Variants in ZBBX observed in about 807,000 individuals in gnomAD.
ZBBX encodes the protein zinc finger B-box domain containing.
In ZBBX, 101 loss-of-function variants were observed where a neutral mutation model predicts 108.5. That is an observed-to-expected ratio of 0.93 (90% CI 0.79 to 1.10). The LOEUF is 1.10. ZBBX is among the 50% of genes least tolerant of loss of function. ZBBX has a pLI of 0.00. For missense variants in ZBBX, 1,009 were observed against 941.4 expected (o/e 1.07, Z -0.94); for synonymous variants, 356 against 323.4 (o/e 1.10, Z -1.08).
At chr3:167,385,264 C>A (rs1747875519), upstream of ZBBX, among the ~76,000 whole-genome samples, 1 of 151,928 alleles carries the variant, frequency 6.6e-6, no homozygotes, top group South Asian at 2.1e-4. Context: ...GTACTGAATA[C>A]TATACACAAC....
At chr3:167,192,972 T>C in the ZBBX span, among the ~76,000 whole-genome samples, 1 of 152,214 alleles carries the variant, frequency 6.6e-6, no homozygotes, top group Non-Finnish European at 1.5e-5. Context: ...AGTCACTCAC[T>C]GGTTCCTTGC....
intron 2 of ZBBX, among the ~76,000 whole-genome samples, chr3:167,379,115 C>T (rs767148721): frequency 2.6e-5 from 4 of 152,012 alleles, no homozygotes; most frequent in East Asian, 1.9e-4. Flanking sequence ...ACCTACCCTA[C>T]GGAAAAAATT....
chr3:167,377,517 T>G (rs907903033), intron 2 of ZBBX, among the ~76,000 whole-genome samples: 1 of 152,164 alleles, frequency 6.6e-6, no homozygotes, highest in African/African-American at 2.4e-5. Context: ...CAAACAACTT[T>G]GGGTGAATTA....
chr3:167,340,095 A>G (rs770649376), intron 9 of ZBBX, among the ~76,000 whole-genome samples: 2 of 152,132 alleles, frequency 1.3e-5, no homozygotes, highest in African/African-American at 4.8e-5. Context: ...TATTTATCCA[A>G]AGAAACCTGT....
chr3:167,318,749 A>ATG (rs1735891376), intron 12 of ZBBX, among the ~76,000 whole-genome samples: 1 of 151,944 alleles, frequency 6.6e-6, no homozygotes, highest in Non-Finnish European at 1.5e-5. Flanking sequence ...GTTTTTACCA[A>ATG]TGCATAAAGT....
At chr3:167,400,964 C>G (rs1271478433) in intron 1 of ZBBX, among the ~76,000 whole-genome samples, 1 of 152,108 alleles carries the variant, frequency 6.6e-6, no homozygotes, top group Non-Finnish European at 1.5e-5. Flanking sequence ...TTGCCCTAAG[C>G]AGTTCCCAGC....
intron 20 of ZBBX, among the ~76,000 whole-genome samples, chr3:167,276,446 T>C (rs1020199037): frequency 3.9e-5 from 6 of 152,034 alleles, no homozygotes; most frequent in Non-Finnish European, 8.8e-5. Context: ...ATGTGAAGAA[T>C]GCAGAAGCCT....
the ZBBX span, among the ~76,000 whole-genome samples, chr3:167,186,737 A>C: frequency 2.0e-5 from 3 of 152,212 alleles, no homozygotes; most frequent in South Asian, 6.2e-4. Context: ...TAAAATGAGC[A>C]GAGAAGTTTA....
At chr3:167,294,250 C>CA (rs879104906) in intron 18 of ZBBX, among the ~76,000 whole-genome samples, 1 of 152,060 alleles carries the variant, frequency 6.6e-6, no homozygotes, top group Non-Finnish European at 1.5e-5. Flanking sequence ...CAACCCTAAG[C>CA]AAAAAGAACA....
chr3:167,289,160 A>G (rs1412533404), intron 18 of ZBBX, among the ~76,000 whole-genome samples, 177 bp from the exon 19 acceptor site: 10 of 152,058 alleles, frequency 6.6e-5, no homozygotes, highest in Non-Finnish European at 2.9e-5. Context: ...AAATTAATAT[A>G]TTTTAATTTT....
At chr3:167,353,657 A>T (rs190588631) in intron 8 of ZBBX, among the ~76,000 whole-genome samples, 5 of 152,130 alleles carry the variant, frequency 3.3e-5, no homozygotes, top group Non-Finnish European at 5.9e-5. Context: ...ATAAAAATAA[A>T]AATAATAATA....
chr3:167,276,498 T>C (rs985946702), intron 20 of ZBBX, among the ~76,000 whole-genome samples: 1 of 151,944 alleles, frequency 6.6e-6, no homozygotes. Context: ...GTATCAGTGA[T>C]GGAAGATGAA....
intron 5 of ZBBX, 115 bp from the exon 6 acceptor site, chr3:167,366,091 T>A: frequency 1.6e-6 from 1 of 613,326 alleles, no homozygotes; most frequent in Non-Finnish European, 2.7e-6. Context: ...TAACATGCAG[T>A]AAACAAGCAA....
intron 1 of ZBBX, among the ~76,000 whole-genome samples, chr3:167,399,810 G>C (rs1048155179): frequency 6.6e-6 from 1 of 152,206 alleles, no homozygotes; most frequent in Non-Finnish European, 1.5e-5. Context: ...CTATCACCCA[G>C]GTAGTGAACA....
chr3:167,309,319 C>T (rs1734192397), intron 16 of ZBBX, among the ~76,000 whole-genome samples: 1 of 152,154 alleles, frequency 6.6e-6, no homozygotes, highest in Non-Finnish European at 1.5e-5. Context: ...AGGATGGTGG[C>T]TCTCTTCTCA....
chr3:167,186,231 T>G, the ZBBX span, among the ~76,000 whole-genome samples: 1 of 152,058 alleles, frequency 6.6e-6, no homozygotes, highest in Non-Finnish European at 1.5e-5. Flanking sequence ...TTACTTTATT[T>G]CAAAAGGGGG....
At chr3:167,306,647 G>A (rs1165637515) in intron 16 of ZBBX, among the ~76,000 whole-genome samples, 1 of 152,172 alleles carries the variant, frequency 6.6e-6, no homozygotes, top group Non-Finnish European at 1.5e-5. Context: ...TCAGGCATTG[G>A]TCTTTTGAAC....
intron 10 of ZBBX, among the ~76,000 whole-genome samples, chr3:167,331,882 C>T (rs1738692392): frequency 1.3e-5 from 2 of 152,084 alleles, no homozygotes; most frequent in African/African-American, 4.8e-5. Context: ...TATTTCAAAC[C>T]CAGGTTTCGG....
chr3:167,297,873 G>T (rs908071423), intron 18 of ZBBX, among the ~76,000 whole-genome samples: 1 of 151,444 alleles, frequency 6.6e-6, no homozygotes, highest in Non-Finnish European at 1.5e-5. Context: ...TTCTCCCCCC[G>T]ACCCCACCAA....
Sources: gnomAD v4.1 joint callset for allele counts (sites outside exome capture counted in the v4.1 genomes callset) on GRCh38, gnomAD v4.1.1 for gene constraint, MANE v1.5 for transcripts, NCBI Gene and HGNC (gene_info 2026-07-23, HGNC 2026-07-21) for gene names.